Variants in SLC38A5 observed in about 807,000 individuals in gnomAD.
The protein encoded by SLC38A5 is sodium-coupled neutral amino acid transporter 5.
A neutral mutation model predicts 34.6 loss-of-function variants in SLC38A5; 9 were observed. The ratio of observed to expected loss-of-function variants is 0.26; its 90% CI spans 0.16 to 0.45. The LOEUF (loss-of-function observed/expected upper bound fraction) is 0.45, where lower values mean the gene tolerates loss of function less well. Ranked by LOEUF, SLC38A5 falls within the 20% of genes least tolerant of loss-of-function variation. The probability of loss-of-function intolerance (pLI) is 1.00; values close to 1 mark genes in which losing one functional copy is unlikely to be tolerated. For synonymous variants in SLC38A5, 157 were observed against 155.6 expected (o/e 1.01, Z -0.07); for missense variants, 253 against 394.7 (o/e 0.64, Z 3.04).
chrX:48,469,236 A>C, intron 2 of SLC38A5, 99 bp downstream of exon 2: 2 of 121,234 alleles, frequency 1.6e-5, no homozygotes, highest in Non-Finnish European at 3.2e-5. Flanking sequence ...TAGTGCTAAA[A>C]TGTCTCCAAG....
intron 14 of SLC38A5, 50 bp from the exon 15 acceptor site, chrX:48,459,926 C>A (rs368211659): frequency 4.5e-5 from 52 of 1,166,807 alleles, no homozygotes; most frequent in Non-Finnish European, 5.7e-5. Flanking sequence ...GTGCTGCCCC[C>A]CTTCCACGTG....
intron 4 of SLC38A5, 53 bp downstream of exon 4, chrX:48,467,654 GGGA>G: frequency 9.0e-7 from 1 of 1,113,673 alleles, no homozygotes; most frequent in Non-Finnish European, 1.2e-6. Context: ...GGAGCAGTGC[GGGA>G]GGAGATTAGC....
chrX:48,463,912 A>G (rs1294406581), intron 8 of SLC38A5, among the ~76,000 whole-genome samples: 1 of 103,600 alleles, frequency 9.7e-6, no homozygotes, highest in Non-Finnish European at 2.0e-5. Flanking sequence ...AGAAAGAAAG[A>G]GAAAGAAAGA....
At chrX:48,464,617 A>G (rs1464660168) in intron 8 of SLC38A5, among the ~76,000 whole-genome samples, 2 of 112,295 alleles carry the variant, frequency 1.8e-5, no homozygotes, top group Non-Finnish European at 1.9e-5. Flanking sequence ...CCAACATGGC[A>G]AAACCCCGTC....
In SLC38A5 at chrX:48,466,880, A is replaced by G. The variant is rs781920934; in HGVS notation, c.246-8T>C. On this transcript the variant is annotated splice_region_variant and splice_polypyrimidine_tract_variant and intron_variant, in intron 5 of 16. Transcript: ENST00000620913. ...ATGCACAGCAGCAGGGCCCTGCGGC[A>G]GGTGGCACAGCTCAGACCTGGCCCC... 6.6e-6 allele frequency: 8 copies of G among 1,205,437 alleles called. No homozygotes were observed. Among genetic ancestry groups the G allele is most frequent in the Non-Finnish European group, 9.0e-6 (8 of 892,150 alleles).
rs782262041 is a variant in SLC38A5, at chrX:48,458,658, GCCTCCTCCTCCT to G, written c.*263_*274del. 1.9e-5 allele frequency: 15 copies of G among 784,941 alleles called. No individual in the cohort carries two copies. In the African/African-American group the frequency reaches 2.0e-4, roughly 11 times the overall value. The allele number at this position is 784,941 out of a possible 1,213,427, so 64.7% of individuals were successfully genotyped here. ...TGGGCAAAGGCTCCACCAGGACCTG[GCCTCCTCCTCCT>G]CCTCCTCCTCCTCCTCCTCCTCCTC... is the stretch of plus-strand genomic sequence containing the variant. On this transcript the variant is annotated 3_prime_UTR_variant, in exon 17 of 17. Transcript: ENST00000620913.
At chrX:48,459,908 G>C in intron 14 of SLC38A5, 32 bp from the exon 15 acceptor site, 2 of 1,187,457 alleles carry the variant, frequency 1.7e-6, no homozygotes, top group Non-Finnish European at 2.3e-6. Context: ...ACAGAAGTCA[G>C]GACCCAAGTG....
At chrX:48,468,926 A>G in intron 2 of SLC38A5, 1 of 753,206 alleles carries the variant, frequency 1.3e-6, no homozygotes, top group Non-Finnish European at 1.6e-6. Flanking sequence ...TCCCCACCCG[A>G]GCCTGGAGCC....
chrX:48,461,776 T>C lies in SLC38A5; in HGVS notation c.793A>G (p.Met265Val). Residue 265 changes from methionine (M) to valine (V), a missense_variant, in exon 12 of 17, where the codon ATG becomes GTG. Physicochemically the swap from Met to Val is conservative, Grantham distance 21. Around this residue, in one of 3 missense-constraint regions of SLC38A5, gnomAD observed 176 missense variants for 273.0 expected, o/e 0.64. Transcript: ENST00000620913. The stretch of plus-strand genomic sequence containing the variant: ...GGGTGGCAGACAAAAGCAAAAGCCA[T>C]AATGGGCACTGTGTAGGACATCTAG... ...DSQMSYTVPIMAFAFVCHPEV... is the reference protein window; with the variant it reads ...DSQMSYTVPIVAFAFVCHPEV... 8.3e-7 allele frequency: 1 copy of C among 1,209,873 alleles called. No individual in the cohort carries two copies. The highest frequency in any genetic ancestry group is 1.1e-6 in the Non-Finnish European group (1 of 894,530).
intron 8 of SLC38A5, among the ~76,000 whole-genome samples, chrX:48,463,670 G>A (rs1196928484): frequency 7.8e-5 from 8 of 103,034 alleles, no homozygotes; most frequent in Non-Finnish European, 1.2e-4. Flanking sequence ...CCAGCTACTC[G>A]CGAGGCTGAG....
Position 48,459,176 on chromosome X carries a change from C to T in SLC38A5, c.1318-142G>A, listed in dbSNP as rs1977138539. ...CCTCTGTATGCCCTCTCCTTCCTTACAGCCAGCCCCTTTCTGCGAGTCCTT... is the reference window on the plus strand; with the variant it reads ...CCTCTGTATGCCCTCTCCTTCCTTATAGCCAGCCCCTTTCTGCGAGTCCTT... On this transcript the variant is annotated intron_variant, in intron 16 of 16. Coordinates refer to ENST00000620913, the MANE Select transcript of SLC38A5 (RefSeq NM_033518.4). The T allele has an allele frequency of 4.9e-6, 3 of 616,962 alleles. No homozygotes were observed. The South Asian group carries it at 9.2e-5, about 19-fold the overall frequency. 50.8% of individuals were successfully genotyped at this position (616,962 alleles called of 1,213,427 possible).
chrX:48,461,662 T>C, intron 12 of SLC38A5, 56 bp downstream of exon 12: 1 of 1,092,879 alleles, frequency 9.2e-7, no homozygotes, highest in East Asian at 3.2e-5. Context: ...TCAGACATTC[T>C]GGTTACCACC....
intron 2 of SLC38A5, 99 bp from the exon 3 acceptor site, chrX:48,468,024 C>T (rs1556964021): frequency 8.2e-6 from 7 of 858,603 alleles, no homozygotes; most frequent in South Asian, 2.5e-5. Context: ...CCATAGAGAC[C>T]GATGGAAAGA....
At chrX:48,465,209 C>T (rs781875666) in intron 8 of SLC38A5, among the ~76,000 whole-genome samples, 22 of 111,714 alleles carry the variant, frequency 2.0e-4, no homozygotes, top group African/African-American at 6.8e-4. Context: ...GCCAGCACAG[C>T]GGATCCGGAC....
chrX:48,458,579 C>T lies in SLC38A5; in HGVS notation c.*354G>A, dbSNP rs902537808. 14 of 844,905 alleles carry T rather than the reference C, an allele frequency of 1.7e-5. No homozygotes were observed. In the East Asian group the frequency reaches 3.1e-4, roughly 19 times the overall value. 69.6% of individuals were successfully genotyped at this position (844,905 alleles called of 1,213,427 possible). ...ACATCTTTATTTTTCCTCTTTAGCC[C>T]GAGGGTAATCCTGACAAACAGCTTC... On this transcript the variant is annotated 3_prime_UTR_variant, in exon 17 of 17. Transcript: ENST00000620913.
rs1361065988 is a variant in SLC38A5, at chrX:48,461,054, T to C, written c.884A>G (p.Asn295Ser). 6 of 1,206,212 alleles carry C rather than the reference T, an allele frequency of 5.0e-6. No individual in the cohort carries two copies. The highest frequency in any genetic ancestry group is 2.2e-5 in the Admixed American group (1 of 45,479). ...GCAGAACATGGCCCCAATGGACACGTTGGCCACGGCCTGCATCCTGCGCTT... is the reference window on the plus strand; with the variant it reads ...GCAGAACATGGCCCCAATGGACACGCTGGCCACGGCCTGCATCCTGCGCTT... The part of the protein sequence containing the change: ...PSKRRMQAVA[N>S]VSIGAMFCMY... Residue 295 changes from asparagine to serine, a missense_variant, in exon 13 of 17, where the codon AAC (asparagine) becomes AGC (serine). This residue lies in a region of SLC38A5 where 176 missense variants were observed against 273.0 expected (regional missense o/e 0.64). Coordinates refer to ENST00000620913, the MANE Select transcript of SLC38A5 (RefSeq NM_033518.4).
Position 48,462,897 on chromosome X carries a change from C to A in SLC38A5, c.574+1G>T, listed in dbSNP as rs1556962234. On this transcript the variant is annotated splice_donor_variant, in intron 9 of 16. Transcript: ENST00000620913. LOFTEE classifies it high-confidence loss of function. ...AATGGCCAACCCAGGGAGCCTCTTA[C>A]CCAAGTGTTTCATGAGGGCGAGGGG... The A allele has an allele frequency of 8.3e-7, 1 of 1,204,696 alleles. No homozygotes were observed. The highest frequency in any genetic ancestry group is 1.1e-6 in the Non-Finnish European group (1 of 891,631).
chrX:48,466,436 T>A (rs1556963351), intron 6 of SLC38A5, 114 bp from the exon 7 acceptor site: 6 of 734,782 alleles, frequency 8.2e-6, no homozygotes, highest in Non-Finnish European at 1.2e-5. Flanking sequence ...CTTTGACTGA[T>A]GGAGGATGAA....
At chrX:48,463,908 AAAG>A (rs1400792479) in intron 8 of SLC38A5, among the ~76,000 whole-genome samples, 17 of 109,511 alleles carry the variant, frequency 1.6e-4, no homozygotes, top group African/African-American at 5.4e-4. Context: ...AGAAAGAAAG[AAAG>A]AGAAAGAAAG....
Sources: gnomAD v4.1 joint callset for allele counts (sites outside exome capture counted in the v4.1 genomes callset) on GRCh38, gnomAD v4.1.1 for gene constraint, gnomAD v4.1.1 regional missense constraint, MANE v1.5 for transcripts, NCBI Gene and HGNC (gene_info 2026-07-23, HGNC 2026-07-21) for gene names.